The following MATN2 variants were observed in gnomAD, a reference collection of about 807,000 sequenced individuals.
MATN2 encodes the protein matrilin 2, also known as matrilin-2.
A neutral mutation model predicts 103.2 loss-of-function variants in MATN2; 69 were observed. That is an observed-to-expected ratio of 0.67 (90% CI 0.55 to 0.82). The LOEUF is 0.82. Among genes scored for constraint, MATN2 ranks in the 40% least tolerant of loss-of-function variants. MATN2 has a pLI of 0.00. For synonymous variants in MATN2, 429 were observed against 450.2 expected, an observed-to-expected ratio of 0.95 and a Z score of 0.60; for missense variants, 1,023 against 1,211.5, an observed-to-expected ratio of 0.84 and a Z score of 2.31.
intron 13 of MATN2, 30 bp downstream of exon 13, chr8:98,021,357 T>A: frequency 6.2e-7 from 1 of 1,604,576 alleles, no homozygotes; most frequent in Non-Finnish European, 8.5e-7. Flanking sequence ...CTCTCTGCTT[T>A]AATTTTGTTT....
At chr8:97,881,787 T>G (rs1818261324) in intron 1 of MATN2, among the ~76,000 whole-genome samples, 1 of 152,214 alleles carries the variant, frequency 6.6e-6, no homozygotes, top group Non-Finnish European at 1.5e-5. Flanking sequence ...ACTGACTTAT[T>G]TTTTTCTTGT....
At chr8:98,004,001 G>C in intron 8 of MATN2, 1 of 515,094 alleles carries the variant, frequency 1.9e-6, no homozygotes, top group Non-Finnish European at 3.5e-6. Flanking sequence ...AGAATTAATA[G>C]GAATAGGCTG....
Position 97,931,218 on chromosome 8 carries a change from T to G in MATN2, c.408T>G (p.Thr136=), listed in dbSNP as rs2290470. 1.0e-3 allele frequency: 1,638 copies of G among 1,613,070 alleles called. 14 individuals carry two copies. The African/African-American group carries it at 0.019, about 19-fold the overall frequency. ...RMRHLSTGTM[T]GLAIQYALNI... ...GGCATCTGTCCACGGGCACCATGACTGGGCTGGCCATCCAGTATGCCCTGA... is the reference window on the plus strand; with the variant it reads ...GGCATCTGTCCACGGGCACCATGACGGGGCTGGCCATCCAGTATGCCCTGA... Residue 136 remains threonine, a synonymous_variant, in exon 3 of 19, where the codon ACT becomes ACG. Coordinates refer to ENST00000254898, the MANE Select transcript of MATN2 (RefSeq NM_002380.5). This position sits in a 1 kb window ranked among gnomAD's most constrained non-coding sequence, Gnocchi z 4.1.
intron 10 of MATN2, among the ~76,000 whole-genome samples, chr8:98,016,323 A>G (rs1445580875): frequency 2.0e-5 from 3 of 152,148 alleles, no homozygotes; most frequent in African/African-American, 7.2e-5. Context: ...CAGTGAGTTG[A>G]GATCACGCCA....
At chr8:97,989,136 C>T (rs1442392713) in intron 6 of MATN2, among the ~76,000 whole-genome samples, 2 of 152,188 alleles carry the variant, frequency 1.3e-5, no homozygotes, top group Admixed American at 6.5e-5. Context: ...TGGATAAGAT[C>T]TGACATTCAT....
intron 1 of MATN2, among the ~76,000 whole-genome samples, chr8:97,870,044 A>G (rs546768659): frequency 6.6e-6 from 1 of 152,214 alleles, no homozygotes; most frequent in South Asian, 2.1e-4. Context: ...CCTTTAAGGA[A>G]TGGGGCAGTC....
At chr8:97,932,037 A>G (rs1810216668) in intron 3 of MATN2, among the ~76,000 whole-genome samples, 1 of 152,206 alleles carries the variant, frequency 6.6e-6, no homozygotes. Context: ...ATAAGTAACT[A>G]TAGTTGTCAC....
At chr8:97,943,523 T>C (rs1337714801) in intron 4 of MATN2, among the ~76,000 whole-genome samples, 1 of 151,930 alleles carries the variant, frequency 6.6e-6, no homozygotes, top group Non-Finnish European at 1.5e-5. Context: ...GTCCAGGCTG[T>C]AGTGCAGTGG....
chr8:97,957,825 G>C (rs1811189011), intron 4 of MATN2, among the ~76,000 whole-genome samples: 1 of 152,168 alleles, frequency 6.6e-6, no homozygotes, highest in South Asian at 2.1e-4. Flanking sequence ...GGCTACCTGG[G>C]AGCTTTGACA....
At chr8:97,955,463 C>T (rs1334485520) in intron 4 of MATN2, among the ~76,000 whole-genome samples, 6 of 152,060 alleles carry the variant, frequency 3.9e-5, no homozygotes, top group Admixed American at 3.9e-4. Flanking sequence ...CATCTTCGAC[C>T]CCAGGGTAAA....
intron 5 of MATN2, among the ~76,000 whole-genome samples, chr8:97,973,636 C>T (rs191213285): frequency 6.6e-5 from 9 of 136,122 alleles, no homozygotes; most frequent in African/African-American, 2.2e-4. Context: ...GTGGCATGAT[C>T]TTGGTTCCCC....
intron 1 of MATN2, among the ~76,000 whole-genome samples, chr8:97,882,169 C>T (rs1818279850): frequency 6.6e-6 from 1 of 151,868 alleles, no homozygotes; most frequent in African/African-American, 2.4e-5. Flanking sequence ...GGTGATCTGC[C>T]CGCCTCAGCT....
chr8:97,985,711 G>A (rs1431132106), intron 6 of MATN2, among the ~76,000 whole-genome samples: 3 of 152,082 alleles, frequency 2.0e-5, no homozygotes, highest in East Asian at 1.9e-4. Context: ...TGATACTACC[G>A]CCCAGAAAAA....
chr8:97,884,324 G>C (rs575595841), intron 1 of MATN2, among the ~76,000 whole-genome samples: 5 of 151,650 alleles, frequency 3.3e-5, no homozygotes, highest in African/African-American at 7.3e-5. Context: ...ATTTTTAGTA[G>C]AGACGGGATT....
At chr8:98,009,268 T>C (rs1813078727) in intron 10 of MATN2, among the ~76,000 whole-genome samples, 1 of 152,230 alleles carries the variant, frequency 6.6e-6, no homozygotes. Flanking sequence ...TGATTCATTC[T>C]GACTGTCCTG....
At chr8:98,022,984 A>G (rs2130433264) in intron 13 of MATN2, among the ~76,000 whole-genome samples, 1 of 152,336 alleles carries the variant, frequency 6.6e-6, no homozygotes, top group South Asian at 2.1e-4. Context: ...GCTACTCAAG[A>G]GGCTGAGGCA....
chr8:97,948,586 C>T (rs1810829692), intron 4 of MATN2, among the ~76,000 whole-genome samples: 1 of 152,102 alleles, frequency 6.6e-6, no homozygotes, highest in African/African-American at 2.4e-5. Context: ...GAAGGCAATC[C>T]AATGAGGAAA....
At chr8:97,906,997 CTTT>C (rs61459656) in intron 2 of MATN2, among the ~76,000 whole-genome samples, 2 of 116,144 alleles carry the variant, frequency 1.7e-5, no homozygotes, top group Admixed American at 8.8e-5. Context: ...CCATAGCTGA[CTTT>C]TTTTTTTTTT....
At chr8:97,965,754 G>A (rs1811458021) in intron 5 of MATN2, among the ~76,000 whole-genome samples, 1 of 152,178 alleles carries the variant, frequency 6.6e-6, no homozygotes, top group Non-Finnish European at 1.5e-5. Context: ...GCTGAGGCAG[G>A]CAGATCACCT....
Sources: allele counts gnomAD v4.1 joint callset (sites outside exome capture counted in the v4.1 genomes callset), GRCh38; gene constraint gnomAD v4.1.1; non-coding constraint Gnocchi (gnomAD v3.1); transcripts MANE v1.5; gene names NCBI Gene and HGNC (gene_info 2026-07-23, HGNC 2026-07-21).